The following ARIH2 variants were observed in gnomAD, a reference collection of about 807,000 sequenced individuals.
The protein encoded by ARIH2 is ariadne RBR E3 ubiquitin protein ligase 2.
ARIH2 carries 12 observed loss-of-function variants against 79.8 expected under a neutral mutation model. The observed-to-expected ratio is 0.15, with a 90% confidence interval of 0.10 to 0.24. The LOEUF is 0.24. ARIH2 is among the 10% of genes least tolerant of loss of function. ARIH2 has a pLI of 1.00. For missense variants in ARIH2, 301 were observed against 618.3 expected (o/e 0.49, Z 5.44); for synonymous variants, 224 against 213.9 (o/e 1.05, Z -0.41).
At position 48,973,704 on chromosome 3, in the gene ARIH2, A is replaced by G. The variant is rs2092365532; in HGVS notation, c.776A>G (p.Lys259Arg). 2 of 1,611,456 alleles carry G rather than the reference A, an allele frequency of 1.2e-6. No individual in the cohort carries two copies. The highest frequency in any genetic ancestry group is 1.7e-6 in the Non-Finnish European group (2 of 1,178,366). ...CNRCNEVFCF[K>R]CRQMYHAPTD... ...TTTTCTTTTCCAATTTTAAGTTTCA[A>G]GTGTCGTCAGATGTATCACGCACCC... The change falls in exon 9 of 16, where the codon AAG becomes AGG. Residue 259 changes from lysine to arginine, a missense_variant. Physicochemically the swap from Lys to Arg is conservative, Grantham distance 26 (BLOSUM62 2). Around this residue, in one of 2 missense-constraint regions of ARIH2, gnomAD observed 223 missense variants for 349.4 expected, o/e 0.64. Coordinates refer to ENST00000356401, the MANE Select transcript of ARIH2 (RefSeq NM_006321.4).
Position 48,986,220 on chromosome 3 carries a change from A to G in ARIH2, c.*2950A>G, listed in dbSNP as rs938476062. ...CTTCCTCTGGACCTCAGGTGTGCCA[A>G]GCCCCACGCTTGGCACCTGGGCATA... On this transcript the variant is annotated 3_prime_UTR_variant, in exon 16 of 16. Coordinates refer to ENST00000356401, the MANE Select transcript of ARIH2 (RefSeq NM_006321.4). The G allele has an allele frequency of 2.6e-5, 4 of 152,212 alleles. No individual in the cohort carries two copies. The highest frequency in any genetic ancestry group is 9.7e-5 in the African/African-American group (4 of 41,450). The allele number at this position is 152,212 out of a possible 1,614,324, so 9.4% of individuals were successfully genotyped here. A position where few individuals can be genotyped will look rare whatever the true frequency, so the allele number is the denominator to read the frequency against.
At chr3:48,974,102 A>C (rs2092385493) in intron 9 of ARIH2, among the ~76,000 whole-genome samples, 1 of 152,222 alleles carries the variant, frequency 6.6e-6, no homozygotes, top group African/African-American at 2.4e-5. Context: ...AACGCCTACC[A>C]GCCTTTAACA....
intron 3 of ARIH2, among the ~76,000 whole-genome samples, chr3:48,940,979 C>T (rs2107222244): frequency 6.6e-6 from 1 of 150,822 alleles, no homozygotes; most frequent in South Asian, 2.1e-4. Flanking sequence ...ACTATCCTGG[C>T]TAACATGGTG....
At chr3:48,967,515 C>T (rs1001349589) in intron 6 of ARIH2, among the ~76,000 whole-genome samples, 2 of 152,234 alleles carry the variant, frequency 1.3e-5, no homozygotes, top group African/African-American at 4.8e-5. Flanking sequence ...GAGCTACCTT[C>T]TCTCACCTTT....
At chr3:48,969,741 A>G (rs1437299878) in intron 7 of ARIH2, among the ~76,000 whole-genome samples, 1 of 151,966 alleles carries the variant, frequency 6.6e-6, no homozygotes, top group Non-Finnish European at 1.5e-5. Flanking sequence ...CACCCGATGC[A>G]GCATAACTTT....
intron 1 of ARIH2, chr3:48,921,605 T>C (rs904272304): frequency 2.2e-4 from 33 of 151,514 alleles, no homozygotes; most frequent in African/African-American, 7.8e-4. Flanking sequence ...GGCTAATTTT[T>C]GTGTTTTTTG....
chr3:48,968,683 G>A (rs548611033), intron 7 of ARIH2, 28 bp downstream of exon 7: 6 of 1,596,112 alleles, frequency 3.8e-6, no homozygotes, highest in Non-Finnish European at 2.6e-6. Flanking sequence ...TCTGCCCTCT[G>A]TCTTCCCGGG....
At chr3:48,980,546 CAGGCACAGACCTCTGAT>C (rs762511469) in intron 13 of ARIH2, 50 bp downstream of exon 13, 1 of 1,594,124 alleles carries the variant, frequency 6.3e-7, no homozygotes, top group South Asian at 1.1e-5. Context: ...CTGGCTCCGT[CAGGCACAGACCTCTGAT>C]AGTGGGAAGC....
intron 14 of ARIH2, 199 bp from the exon 15 acceptor site, chr3:48,982,697 A>G (rs2107711619): frequency 1.8e-6 from 1 of 569,120 alleles, no homozygotes; most frequent in Non-Finnish European, 3.1e-6. Flanking sequence ...TCGAGGGTGA[A>G]TGTGGCCTTG....
At chr3:48,966,978 T>G in intron 5 of ARIH2, 147 bp from the exon 6 acceptor site, 1 of 870,620 alleles carries the variant, frequency 1.1e-6, no homozygotes, top group Non-Finnish European at 1.8e-6. Flanking sequence ...TTAGTACCCT[T>G]GGGACTCAGA....
chr3:48,933,899 T>C (rs769217463), intron 3 of ARIH2, among the ~76,000 whole-genome samples: 1 of 152,182 alleles, frequency 6.6e-6, no homozygotes, highest in African/African-American at 2.4e-5. Flanking sequence ...TGGAGAAATA[T>C]GCCAATTATC....
At chr3:48,929,124 A>G (rs1027750033) in intron 3 of ARIH2, among the ~76,000 whole-genome samples, 1 of 152,194 alleles carries the variant, frequency 6.6e-6, no homozygotes, top group African/African-American at 2.4e-5. Context: ...TAAGAAAAGG[A>G]TATGTTCATA....
intron 3 of ARIH2, among the ~76,000 whole-genome samples, chr3:48,945,867 C>A (rs1435821301): frequency 6.6e-6 from 1 of 152,112 alleles, no homozygotes; most frequent in Non-Finnish European, 1.5e-5. Flanking sequence ...AATTGCTAGT[C>A]TAAACCCACA....
chr3:48,923,861 C>T (rs527419120), intron 2 of ARIH2, among the ~76,000 whole-genome samples: 8 of 152,258 alleles, frequency 5.3e-5, no homozygotes, highest in African/African-American at 1.7e-4. Context: ...AGGCTGGGCA[C>T]AGTGGCTCTT....
intron 5 of ARIH2, among the ~76,000 whole-genome samples, chr3:48,965,644 A>G (rs1392320866): frequency 1.3e-5 from 2 of 151,964 alleles, no homozygotes; most frequent in Non-Finnish European, 2.9e-5. Context: ...ACCTTTGCTT[A>G]TAGGGAGGGA....
At chr3:48,946,574 A>C (rs1329813720) in intron 3 of ARIH2, among the ~76,000 whole-genome samples, 2 of 152,086 alleles carry the variant, frequency 1.3e-5, no homozygotes, top group Non-Finnish European at 2.9e-5. Flanking sequence ...TCCTGAAATA[A>C]AGATCTGGAA....
chr3:48,961,447 G>T (rs984118007), intron 3 of ARIH2, among the ~76,000 whole-genome samples, 165 bp from the exon 4 acceptor site: 2 of 152,194 alleles, frequency 1.3e-5, no homozygotes, highest in South Asian at 2.1e-4. Flanking sequence ...CACTAAGATT[G>T]TAAGAGTCTA....
In ARIH2 at chr3:48,973,683, C is replaced by G; in HGVS notation, c.771-16C>G. The stretch of plus-strand genomic sequence containing the variant: ...ACTTAATGAATATTTGAATGTTTTT[C>G]TTTTCCAATTTTAAGTTTCAAGTGT... On this transcript the variant is annotated splice_polypyrimidine_tract_variant and intron_variant, in intron 8 of 15. Transcript: ENST00000356401. The G allele has an allele frequency of 6.3e-7, 1 of 1,590,526 alleles. No homozygotes were observed. The highest frequency in any genetic ancestry group is 8.6e-7 in the Non-Finnish European group (1 of 1,162,628).
rs181134179 is a variant in ARIH2, at chr3:48,938,966, C to G, written c.255+11153C>G. ...CAACTACATAAAAACAAAAGAAACC[C>G]ATTTATTTATTTAATTTTTTGAGAC... is the stretch of plus-strand genomic sequence containing the variant. On this transcript the variant is annotated intron_variant, in intron 3 of 15. Coordinates refer to ENST00000356401, the MANE Select transcript of ARIH2 (RefSeq NM_006321.4). Among the ~76,000 whole-genome samples, 9 of 146,278 alleles carry G rather than the reference C, an allele frequency of 6.2e-5. 1 individual carries two copies. Among genetic ancestry groups the G allele is most frequent in the East Asian group, 6.0e-4 (3 of 5,006 alleles).
Sources: allele counts gnomAD v4.1 joint callset (sites outside exome capture counted in the v4.1 genomes callset), GRCh38; gene constraint gnomAD v4.1.1; regional missense constraint gnomAD v4.1.1; transcripts MANE v1.5; gene names NCBI Gene and HGNC (gene_info 2026-07-23, HGNC 2026-07-21).